TKFC: variants seen among roughly 807,000 people sequenced by gnomAD.
TKFC encodes triokinase/FMN cyclase.
A neutral mutation model predicts 61.0 loss-of-function variants in TKFC; 46 were observed. The ratio of observed to expected loss-of-function variants is 0.75; its 90% CI spans 0.60 to 0.96. The LOEUF (loss-of-function observed/expected upper bound fraction) is 0.96. Ranked by LOEUF, TKFC falls within the 50% of genes least tolerant of loss-of-function variation. The pLI, the probability that TKFC is intolerant of heterozygous loss-of-function variation, is 0.00. For synonymous variants in TKFC, 314 were observed against 330.1 expected (o/e 0.95, Z 0.53); for missense variants, 715 against 777.5 (o/e 0.92, Z 0.96).
chr11:61,352,071 C>T (rs1342376182), downstream of TKFC: 1 of 152,216 alleles, frequency 6.6e-6, no homozygotes, highest in African/African-American at 2.4e-5. Flanking sequence ...AAGCTCAAAG[C>T]AATGAAATTA....
chr11:61,353,141 T>C, downstream of TKFC: 1 of 1,601,448 alleles, frequency 6.2e-7, no homozygotes, highest in Non-Finnish European at 8.5e-7. Context: ...CAGGAACCAC[T>C]GTGGACAAAA....
At chr11:61,350,901 GTCT>G (rs1476949646), downstream of TKFC, 8 of 1,503,490 alleles carry the variant, frequency 5.3e-6, no homozygotes, top group African/African-American at 7.0e-5. Context: ...CACAGGGTAA[GTCT>G]TCTTGTCAAG....
At position 61,340,680 on chromosome 11, in the gene TKFC, C is replaced by T. The variant is rs984908720; in HGVS notation, c.487-756C>T. On this transcript the variant is annotated intron_variant, in intron 5 of 17. Coordinates refer to ENST00000394900, the MANE Select transcript of TKFC (RefSeq NM_015533.4). ...CTGCCTTCCTCTTATGGTCTCTTCACGCCAGCTCCTGTACCTGCCAGGCTA... is the reference window on the plus strand; with the variant it reads ...CTGCCTTCCTCTTATGGTCTCTTCATGCCAGCTCCTGTACCTGCCAGGCTA... 4.6e-5 allele frequency among the ~76,000 whole-genome samples: 7 copies of T among 151,634 alleles called. No homozygotes were observed. The East Asian group carries it at 1.2e-3, about 25-fold the overall frequency.
intron 13 of TKFC, among the ~76,000 whole-genome samples, 181 bp downstream of exon 13, chr11:61,344,454 C>T (rs907599170): frequency 7.0e-6 from 1 of 143,456 alleles, no homozygotes; most frequent in Non-Finnish European, 1.6e-5. Context: ...GTCTCCGCCC[C>T]CCGGGTTCAA....
At chr11:61,343,277 T>G in intron 10 of TKFC, 65 bp from the exon 11 acceptor site, 2 of 1,477,726 alleles carry the variant, frequency 1.4e-6, no homozygotes, top group Non-Finnish European at 1.9e-6. Flanking sequence ...GTCCTTGCTT[T>G]TCTGTTGTTT....
At position 61,333,262 on chromosome 11, in the gene TKFC, C is replaced by T. The variant is rs573567483; in HGVS notation, c.-177C>T. 1 of 294,102 alleles carries T rather than the reference C, an allele frequency of 3.4e-6. No homozygotes were observed. The highest frequency in any genetic ancestry group is 2.2e-5 in the African/African-American group (1 of 46,218). 18.2% of individuals were successfully genotyped at this position (294,102 alleles called of 1,614,324 possible). On this transcript the variant is annotated 5_prime_UTR_variant, in exon 1 of 18. Coordinates refer to ENST00000394900, the MANE Select transcript of TKFC (RefSeq NM_015533.4). ...CGCAGGACCCGGATGAGAGCGCACG[C>T]TTCGGGGTCTCCGGGAAGTCGCGGC... is the stretch of plus-strand genomic sequence containing the variant.
intron 11 of TKFC, 59 bp from the exon 12 acceptor site, chr11:61,343,797 G>A: frequency 1.3e-6 from 2 of 1,573,380 alleles, no homozygotes; most frequent in South Asian, 2.3e-5. Flanking sequence ...GAGGGTCCAA[G>A]CCCTGCTGAA....
chr11:61,348,255 T>C lies in TKFC; in HGVS notation c.*1752T>C, dbSNP rs1857236888. ...TCTCAGATTATGAAATAGGAAAAAT[T>C]TCCTTCCTCGTGAGATAAGCACGTG... On this transcript the variant is annotated 3_prime_UTR_variant, in exon 18 of 18. Coordinates refer to ENST00000394900, the MANE Select transcript of TKFC (RefSeq NM_015533.4). 1 of 985,374 alleles carries C rather than the reference T, an allele frequency of 1.0e-6. No homozygotes were observed. Among genetic ancestry groups the C allele is most frequent in the African/African-American group, 1.7e-5 (1 of 57,322 alleles). 61.0% of individuals were successfully genotyped at this position (985,374 alleles called of 1,614,324 possible).
rs772858885 is a variant in TKFC at position 61,343,477 on chromosome 11, G to A, written c.982+19G>A. The A allele has an allele frequency of 8.7e-6, 14 of 1,607,184 alleles. No homozygotes were observed. In the South Asian group the frequency reaches 8.8e-5, roughly 10 times the overall value. On this transcript the variant is annotated intron_variant, in intron 11 of 17. Coordinates refer to ENST00000394900, the MANE Select transcript of TKFC (RefSeq NM_015533.4). ...CTGATAGGTGAGACTTGGAACCTGG[G>A]GTCACCCAAGCCAGGGCTCCTTGTA...
At chr11:61,350,739 C>G, downstream of TKFC, 1 of 600,588 alleles carries the variant, frequency 1.7e-6, no homozygotes, top group Non-Finnish European at 2.8e-6. Context: ...CACTTCACCC[C>G]ACAGAACCAC....
Position 61,333,243 on chromosome 11 carries a change from AC to A in TKFC, c.-193del. 1 of 327,190 alleles carries A rather than the reference AC, an allele frequency of 3.1e-6. No individual in the cohort carries two copies. Among genetic ancestry groups the A allele is most frequent in the Non-Finnish European group, 5.5e-6 (1 of 180,418 alleles). 20.3% of individuals were successfully genotyped at this position (327,190 alleles called of 1,614,324 possible). A position where few individuals can be genotyped will look rare whatever the true frequency, so the allele number is the denominator to read the frequency against. On this transcript the variant is annotated 5_prime_UTR_variant, in exon 1 of 18. Coordinates refer to ENST00000394900, the MANE Select transcript of TKFC (RefSeq NM_015533.4). Reference sequence around the variant, plus strand: ...GCCTCTTTCCGCCAGCGCCCGCAGGACCCGGATGAGAGCGCACGCTTCGGGG... The same window carrying A: ...GCCTCTTTCCGCCAGCGCCCGCAGGACCGGATGAGAGCGCACGCTTCGGGG...
chr11:61,343,556 C>T, intron 11 of TKFC, 98 bp downstream of exon 11: 2 of 1,159,494 alleles, frequency 1.7e-6, no homozygotes, highest in Non-Finnish European at 2.5e-6. Flanking sequence ...CCGTGACAAT[C>T]AGGGCTCTGG....
At position 61,345,257 on chromosome 11, in the gene TKFC, C is replaced by CA; in HGVS notation, c.1241-2dup. On this transcript the variant is annotated splice_polypyrimidine_tract_variant and splice_region_variant and intron_variant, in intron 13 of 17. Coordinates refer to ENST00000394900, the MANE Select transcript of TKFC (RefSeq NM_015533.4). Reference sequence around the variant, plus strand: ...ATTCCTCCCCATCTCTCTCTGCCTGCAGCAATCCAGGAGTGGCTGAAGGAG... The same window carrying CA: ...ATTCCTCCCCATCTCTCTCTGCCTGCAAGCAATCCAGGAGTGGCTGAAGGAG... 6.5e-7 allele frequency: 1 copy of CA among 1,543,462 alleles called. No individual in the cohort carries two copies. The highest frequency in any genetic ancestry group is 8.7e-7 in the Non-Finnish European group (1 of 1,142,904).
intron 7 of TKFC, 46 bp downstream of exon 7, chr11:61,341,958 T>G: frequency 6.4e-7 from 1 of 1,569,934 alleles, no homozygotes; most frequent in Non-Finnish European, 8.7e-7. Context: ...TCCTTGGCCC[T>G]GGACTTTGCC....
chr11:61,348,371 G>T lies in TKFC; in HGVS notation c.*1868G>T. The stretch of plus-strand genomic sequence containing the variant: ...AGACAGAGGATCATGTGGATCTTTG[G>T]TGCCTTCCGGTTGGCCCCTCCCTAG... On this transcript the variant is annotated 3_prime_UTR_variant, in exon 18 of 18. Coordinates refer to ENST00000394900, the MANE Select transcript of TKFC (RefSeq NM_015533.4). 1 of 985,096 alleles carries T rather than the reference G, an allele frequency of 1.0e-6. No individual in the cohort carries two copies. The highest frequency in any genetic ancestry group is 1.2e-6 in the Non-Finnish European group (1 of 829,814). 61.0% of individuals were successfully genotyped at this position (985,096 alleles called of 1,614,324 possible). A position where few individuals can be genotyped will look rare whatever the true frequency, so the allele number is the denominator to read the frequency against.
intron 10 of TKFC, 157 bp downstream of exon 10, chr11:61,343,001 T>A (rs560919228): frequency 1.7e-5 from 12 of 724,886 alleles, no homozygotes; most frequent in Non-Finnish European, 2.7e-5. Flanking sequence ...TCTGTTTGTT[T>A]TCTTGTCTGC....
chr11:61,340,006 T>TA (rs1856790334), intron 5 of TKFC, among the ~76,000 whole-genome samples: 1 of 151,782 alleles, frequency 6.6e-6, no homozygotes, highest in Non-Finnish European at 1.5e-5. Context: ...TTTATTTATT[T>TA]TTTATTTATT....
chr11:61,351,455 A>G (rs557528811), downstream of TKFC: 101 of 193,314 alleles, frequency 5.2e-4, no homozygotes, highest in African/African-American at 2.3e-3. Context: ...ACGCCTGGCT[A>G]ATTTTTTGTA....
Position 61,348,507 on chromosome 11 carries a change from C to T in TKFC, c.*2004C>T, listed in dbSNP as rs1857249203. 1.0e-6 allele frequency: 1 copy of T among 984,678 alleles called. No homozygotes were observed. The highest frequency in any genetic ancestry group is 1.2e-6 in the Non-Finnish European group (1 of 829,330). 61.0% of individuals were successfully genotyped at this position (984,678 alleles called of 1,614,324 possible). A position where few individuals can be genotyped will look rare whatever the true frequency, so the allele number is the denominator to read the frequency against. On this transcript the variant is annotated 3_prime_UTR_variant, in exon 18 of 18. Coordinates refer to ENST00000394900, the MANE Select transcript of TKFC (RefSeq NM_015533.4). ...TTATTAGAGACTGAATGTTTGTGTC[C>T]CCCCCAAATTCCTGTGTTGAAAGGC... is the stretch of plus-strand genomic sequence containing the variant.
Sources: allele counts gnomAD v4.1 joint callset (sites outside exome capture counted in the v4.1 genomes callset), GRCh38; gene constraint gnomAD v4.1.1; transcripts MANE v1.5; gene names NCBI Gene and HGNC (gene_info 2026-07-23, HGNC 2026-07-21).